STK35: variants seen among roughly 807,000 people sequenced by gnomAD.
STK35 encodes the protein serine/threonine-protein kinase 35.
In STK35, 17 loss-of-function variants were observed where a neutral mutation model predicts 37.3. That is an observed-to-expected ratio of 0.46 (90% CI 0.31 to 0.68). The LOEUF (loss-of-function observed/expected upper bound fraction) is 0.68. STK35 is among the 30% of genes least tolerant of loss of function. STK35 has a pLI of 0.05. For missense variants in STK35, 595 were observed against 746.7 expected (o/e 0.80, Z 2.37); for synonymous variants, 385 against 319.1 (o/e 1.21, Z -2.20).
rs1425196481 is a variant in STK35, at chr20:2,103,239, C to A, written c.766C>A (p.Arg256=). Reference sequence around the variant, plus strand: ...ATTCTGGGCCCTCACCAGCCTCAAGCGGCGCCACCAGAACGTCGTGCAGTT... The same window carrying A: ...ATTCTGGGCCCTCACCAGCCTCAAGAGGCGCCACCAGAACGTCGTGCAGTT... The part of the protein sequence containing the change: ...AEFWALTSLK[R]RHQNVVQFEE... The change falls in exon 2 of 4, where the codon CGG becomes AGG. Residue 256 remains arginine, a synonymous_variant. Transcript: ENST00000381482. 6.2e-7 allele frequency: 1 copy of A among 1,613,014 alleles called. No homozygotes were observed. Among genetic ancestry groups the A allele is most frequent in the Non-Finnish European group, 8.5e-7 (1 of 1,179,852 alleles).
intron 2 of STK35, among the ~76,000 whole-genome samples, chr20:2,114,652 A>G (rs777374707): frequency 2.0e-5 from 3 of 152,050 alleles, no homozygotes; most frequent in Admixed American, 6.6e-5. Flanking sequence ...GTCTCCCCCA[A>G]CCACTCACAA....
intron 2 of STK35, among the ~76,000 whole-genome samples, chr20:2,114,317 ACTT>A (rs1329625193): frequency 6.6e-6 from 1 of 152,060 alleles, no homozygotes; most frequent in Non-Finnish European, 1.5e-5. Context: ...CCTCAAAAGT[ACTT>A]CTTTTGGAAG....
chr20:2,108,857 C>T (rs1052283657), intron 2 of STK35, among the ~76,000 whole-genome samples: 2 of 152,152 alleles, frequency 1.3e-5, no homozygotes, highest in African/African-American at 4.8e-5. Flanking sequence ...TGCTCATATT[C>T]ACCTCAAATG....
chr20:2,124,735 T>G (rs1331617105), intron 3 of STK35, among the ~76,000 whole-genome samples: 2 of 152,178 alleles, frequency 1.3e-5, no homozygotes, highest in Non-Finnish European at 2.9e-5. Flanking sequence ...AAGCTCAGTC[T>G]TCAACTGTGA....
rs1985405254 is a variant in STK35, at chr20:2,102,172, C to T, written c.291C>T (p.Gly97=). 2.2e-6 allele frequency: 3 copies of T among 1,382,322 alleles called. No individual in the cohort carries two copies. Among genetic ancestry groups the T allele is most frequent in the Non-Finnish European group, 1.9e-6 (2 of 1,069,186 alleles). 85.6% of individuals were successfully genotyped at this position (1,382,322 alleles called of 1,614,324 possible). ...CCGCCCGGAAGTGGAGGTGCGCGGG[C>T]CAGGTAAGGGCGCCGTTGGAGGACT... ...KRAARKWRCA[G]QVTIQGPAPP... Residue 97 remains glycine, a synonymous_variant, in exon 1 of 4, where the codon GGC becomes GGT. Coordinates refer to ENST00000381482, the MANE Select transcript of STK35 (RefSeq NM_080836.4).
chr20:2,109,791 T>TA (rs1985583959), intron 2 of STK35, among the ~76,000 whole-genome samples: 1 of 152,222 alleles, frequency 6.6e-6, no homozygotes, highest in African/African-American at 2.4e-5. Context: ...TCTCAATTTA[T>TA]AAAAAACTAA....
At chr20:2,125,779 C>G (rs1053731980) in intron 3 of STK35, among the ~76,000 whole-genome samples, 1 of 152,182 alleles carries the variant, frequency 6.6e-6, no homozygotes. Flanking sequence ...CCCATATAAC[C>G]GAGGTCTGGC....
chr20:2,139,894 A>G (rs1986145394), intron 3 of STK35, among the ~76,000 whole-genome samples: 1 of 152,186 alleles, frequency 6.6e-6, no homozygotes, highest in Non-Finnish European at 1.5e-5. Flanking sequence ...ATTTTCCCAG[A>G]TCACTGACAC....
Position 2,116,808 on chromosome 20 carries a change from G to C in STK35, c.1035G>C (p.Thr345=), listed in dbSNP as rs149575734. 1.9e-6 allele frequency: 3 copies of C among 1,614,110 alleles called. No individual in the cohort carries two copies. Among genetic ancestry groups the C allele is most frequent in the Non-Finnish European group, 2.5e-6 (3 of 1,180,016 alleles). The change falls in exon 3 of 4, where the codon ACG becomes ACC. Residue 345 remains threonine, a synonymous_variant. Transcript: ENST00000381482. ...ACAAAAGTTTCATGCTACAGCTGAC[G>C]AGCGCCATTGCCTTCCTGCACAAAA... ...ATNKSFMLQL[T]SAIAFLHKNH...
intron 3 of STK35, among the ~76,000 whole-genome samples, chr20:2,123,781 A>G (rs1242055541): frequency 6.6e-6 from 1 of 152,200 alleles, no homozygotes; most frequent in African/African-American, 2.4e-5. Context: ...GGTCCACTCT[A>G]TGACTTCCTG....
At chr20:2,108,689 G>A (rs1394662443) in intron 2 of STK35, among the ~76,000 whole-genome samples, 1 of 152,120 alleles carries the variant, frequency 6.6e-6, no homozygotes, top group Admixed American at 6.5e-5. Flanking sequence ...GCTCCTGACC[G>A]ACTACTTTTT....
intron 2 of STK35, among the ~76,000 whole-genome samples, chr20:2,104,294 G>A (rs892942339): frequency 1.3e-5 from 2 of 152,220 alleles, no homozygotes; most frequent in African/African-American, 4.8e-5. Flanking sequence ...TCCGAGGCAG[G>A]AGGATCCAGG....
intron 2 of STK35, among the ~76,000 whole-genome samples, chr20:2,115,248 A>G (rs370301089): frequency 6.6e-6 from 1 of 152,206 alleles, no homozygotes; most frequent in Non-Finnish European, 1.5e-5. Context: ...CATTGGCTTT[A>G]GTAGACTGTG....
Position 2,147,705 on chromosome 20 carries a change from G to A in STK35, c.*3959G>A, listed in dbSNP as rs937192786. The A allele has an allele frequency of 2.6e-5, 4 of 152,260 alleles. No individual in the cohort carries two copies. The highest frequency in any genetic ancestry group is 9.7e-5 in the African/African-American group (4 of 41,440). 9.4% of individuals were successfully genotyped at this position (152,260 alleles called of 1,614,324 possible). On this transcript the variant is annotated 3_prime_UTR_variant, in exon 4 of 4. Transcript: ENST00000381482. ...TGGCACTTACTCTAGGTTGGTCTCAGACTATCCCTCCCCTTGGCTGGTTTT... is the reference window on the plus strand; with the variant it reads ...TGGCACTTACTCTAGGTTGGTCTCAAACTATCCCTCCCCTTGGCTGGTTTT...
rs1986239072 is a variant in STK35, at chr20:2,145,137, T to A, written c.*1391T>A. 6.6e-6 allele frequency: 1 copy of A among 152,224 alleles called. No homozygotes were observed. Among genetic ancestry groups the A allele is most frequent in the South Asian group, 2.1e-4 (1 of 4,830 alleles). The allele number at this position is 152,224 out of a possible 1,614,324, so 9.4% of individuals were successfully genotyped here. Reference sequence around the variant, plus strand: ...CCATCCTTGCACTCTCCAGCGACACTCTCGCACCTCCCTAGGGGAAGCTTC... The same window carrying A: ...CCATCCTTGCACTCTCCAGCGACACACTCGCACCTCCCTAGGGGAAGCTTC... On this transcript the variant is annotated 3_prime_UTR_variant, in exon 4 of 4. Transcript: ENST00000381482.
chr20:2,104,808 C>T lies in STK35; in HGVS notation c.892+1443C>T, dbSNP rs151065311. 9.1e-4 allele frequency among the ~76,000 whole-genome samples: 139 copies of T among 152,174 alleles called. 2 individuals carry two copies. In the East Asian group the frequency reaches 0.023, roughly 25 times the overall value. On this transcript the variant is annotated intron_variant, in intron 2 of 3. Transcript: ENST00000381482. ...TAACTTTATAAAGTCCATCCGTGCCCCATCCATTCTGAGAAGCCTACCCTC... is the reference window on the plus strand; with the variant it reads ...TAACTTTATAAAGTCCATCCGTGCCTCATCCATTCTGAGAAGCCTACCCTC...
At position 2,117,333 on chromosome 20, in the gene STK35, C is replaced by G; in HGVS notation, c.1560C>G (p.Ala520=). 6.2e-7 allele frequency: 1 copy of G among 1,613,174 alleles called. No individual in the cohort carries two copies. The highest frequency in any genetic ancestry group is 1.3e-5 in the African/African-American group (1 of 75,046). ...CTAACCCACAGGACCGGCCTGATGC[C>G]TTTGAACTTGAAACCAGAATGGACC... ...LAANPQDRPD[A]FELETRMDQV... The change falls in exon 3 of 4, where the codon GCC becomes GCG. Residue 520 remains alanine (A), a synonymous_variant. Coordinates refer to ENST00000381482, the MANE Select transcript of STK35 (RefSeq NM_080836.4). This position sits in a 1 kb window ranked among gnomAD's most constrained non-coding sequence, Gnocchi z 4.4.
At chr20:2,102,241 C>T in intron 1 of STK35, 66 bp downstream of exon 1, 2 of 1,382,330 alleles carry the variant, frequency 1.4e-6, no homozygotes, top group East Asian at 2.9e-5. Flanking sequence ...TGCCTCCGCG[C>T]TTGGGAAGGG....
chr20:2,126,760 A>G (rs1448621987), intron 3 of STK35, among the ~76,000 whole-genome samples: 1 of 152,218 alleles, frequency 6.6e-6, no homozygotes, highest in East Asian at 1.9e-4. Flanking sequence ...AAAATAAATC[A>G]ATACCATAAA....
Sources: allele counts gnomAD v4.1 joint callset (sites outside exome capture counted in the v4.1 genomes callset), GRCh38; gene constraint gnomAD v4.1.1; non-coding constraint Gnocchi (gnomAD v3.1); transcripts MANE v1.5; gene names NCBI Gene and HGNC (gene_info 2026-07-23, HGNC 2026-07-21).